Variants in CLRN1 observed in about 807,000 individuals in gnomAD.
CLRN1 encodes the protein clarin-1.
CLRN1 carries 15 observed loss-of-function variants against 18.7 expected under a neutral mutation model. That is an observed-to-expected ratio of 0.80 (90% CI 0.54 to 1.23). The LOEUF (loss-of-function observed/expected upper bound fraction) is 1.23, where lower values mean the gene tolerates loss of function less well. CLRN1 is among the 50% of genes most tolerant of loss of function. The pLI, the probability that CLRN1 is intolerant of heterozygous loss-of-function variation, is 0.00. For synonymous variants in CLRN1, 104 were observed against 102.9 expected (o/e 1.01, Z -0.07); for missense variants, 311 against 277.5 (o/e 1.12, Z -0.86).
intron 1 of CLRN1, among the ~76,000 whole-genome samples, chr3:150,962,460 AT>A (rs575064311): frequency 3.3e-5 from 5 of 152,082 alleles, no homozygotes; most frequent in African/African-American, 7.2e-5. Flanking sequence ...GTTTGTTTTT[AT>A]TTTTTTTCAA....
intron 1 of CLRN1, among the ~76,000 whole-genome samples, chr3:150,957,175 C>A (rs1208016150): frequency 6.6e-6 from 1 of 151,946 alleles, no homozygotes; most frequent in African/African-American, 2.4e-5. Flanking sequence ...CTGTCTTCAG[C>A]CTTTTCCTCT....
At chr3:150,950,847 G>A (rs556255010) in intron 1 of CLRN1, among the ~76,000 whole-genome samples, 1 of 152,266 alleles carries the variant, frequency 6.6e-6, no homozygotes, top group South Asian at 2.1e-4. Flanking sequence ...GCACACGAAT[G>A]TTCGTTGCAG....
chr3:150,958,372 C>T (rs1714856976), intron 1 of CLRN1, among the ~76,000 whole-genome samples: 1 of 152,164 alleles, frequency 6.6e-6, no homozygotes, highest in Non-Finnish European at 1.5e-5. Context: ...TGACTGGTCC[C>T]CACTTCTCTT....
chr3:150,951,718 G>A (rs907976072), intron 1 of CLRN1, among the ~76,000 whole-genome samples: 1 of 152,114 alleles, frequency 6.6e-6, no homozygotes, highest in African/African-American at 2.4e-5. Flanking sequence ...TTAGCTTCTA[G>A]GGAGACCTCT....
chr3:150,951,225 G>A (rs4680084), intron 1 of CLRN1, among the ~76,000 whole-genome samples: 76,681 of 151,744 alleles, frequency 0.51, 20,104 homozygotes, highest in East Asian at 0.6. Context: ...CTATGTAACA[G>A]ACTTTTACAG....
At chr3:150,964,817 G>T (rs910792300) in intron 1 of CLRN1, among the ~76,000 whole-genome samples, 1 of 151,968 alleles carries the variant, frequency 6.6e-6, no homozygotes, top group Admixed American at 6.5e-5. Flanking sequence ...ACCAAACACC[G>T]CATGTTCTCA....
At chr3:150,949,356 A>G (rs903088995) in intron 1 of CLRN1, among the ~76,000 whole-genome samples, 6 of 152,200 alleles carry the variant, frequency 3.9e-5, no homozygotes. Flanking sequence ...AGTCCTGGCC[A>G]GGGAAATCAG....
rs1389717756 is a variant in CLRN1, at chr3:150,927,375, T to C, written c.*561A>G. ...CCTGAACTCAAATGATCTTCCCACC[T>C]TGGCCTCCTGAAGTGCTGGAATTAC... is the stretch of plus-strand genomic sequence containing the variant. On this transcript the variant is annotated 3_prime_UTR_variant, in exon 3 of 3. Coordinates refer to ENST00000327047, the MANE Select transcript of CLRN1 (RefSeq NM_174878.3). 4 of 440,022 alleles carry C rather than the reference T, an allele frequency of 9.1e-6. No individual in the cohort carries two copies. The highest frequency in any genetic ancestry group is 7.2e-5 in the East Asian group (1 of 13,982). The allele number at this position is 440,022 out of a possible 1,614,324, so 27.3% of individuals were successfully genotyped here.
At chr3:150,942,684 A>G (rs1391064947) in intron 1 of CLRN1, 1 of 400,826 alleles carries the variant, frequency 2.5e-6, no homozygotes, top group African/African-American at 2.1e-5. Flanking sequence ...AAACAAATAA[A>G]CGTGATAGCT....
Position 150,927,243 on chromosome 3 carries a change from G to C in CLRN1, c.*693C>G, listed in dbSNP as rs1319233762. The C allele has an allele frequency of 1.0e-5, 5 of 476,980 alleles. No individual in the cohort carries two copies. The highest frequency in any genetic ancestry group is 2.1e-5 in the Non-Finnish European group (5 of 242,708). 29.5% of individuals were successfully genotyped at this position (476,980 alleles called of 1,614,324 possible). On this transcript the variant is annotated 3_prime_UTR_variant, in exon 3 of 3. Coordinates refer to ENST00000327047, the MANE Select transcript of CLRN1 (RefSeq NM_174878.3). ...TTTGCAGATTTTGACCAACAGACATGGTTAATAAGACTATGCTTTTTTAAA... is the reference window on the plus strand; with the variant it reads ...TTTGCAGATTTTGACCAACAGACATCGTTAATAAGACTATGCTTTTTTAAA...
chr3:150,945,079 C>T (rs1365741721), intron 1 of CLRN1, among the ~76,000 whole-genome samples: 1 of 152,160 alleles, frequency 6.6e-6, no homozygotes, highest in Non-Finnish European at 1.5e-5. Context: ...GCCAGTCCTG[C>T]ACTTGCATGG....
rs551710724 is a variant in CLRN1 at position 150,929,410 on chromosome 3, A to G, written c.434-1209T>C. Among the ~76,000 whole-genome samples, 7 of 152,320 alleles carry G rather than the reference A, an allele frequency of 4.6e-5. No homozygotes were observed. In the East Asian group the frequency reaches 1.2e-3, roughly 25 times the overall value. ...CTACAGCGCTTCCACAGCTACTGTTATATCTCAGGCCACCACAATAGGGTT... is the reference window on the plus strand; with the variant it reads ...CTACAGCGCTTCCACAGCTACTGTTGTATCTCAGGCCACCACAATAGGGTT... On this transcript the variant is annotated intron_variant, in intron 2 of 2. Coordinates refer to ENST00000327047, the MANE Select transcript of CLRN1 (RefSeq NM_174878.3).
At chr3:150,944,228 G>C (rs774292684) in intron 1 of CLRN1, 4 of 318,296 alleles carry the variant, frequency 1.3e-5, no homozygotes, top group Non-Finnish European at 1.9e-5. Flanking sequence ...GGTGAATGGT[G>C]GGGAGGCAGA....
chr3:150,942,406 C>G (rs1362698902), intron 1 of CLRN1: 1 of 193,602 alleles, frequency 5.2e-6, no homozygotes, highest in African/African-American at 2.4e-5. Context: ...AAGCGAAACC[C>G]TACATTTTAG....
rs568864469 is a variant in CLRN1, at chr3:150,944,641, C to T, written c.254-2880G>A. 6.1e-3 allele frequency among the ~76,000 whole-genome samples: 920 copies of T among 151,356 alleles called. 5 individuals carry two copies. The highest frequency in any genetic ancestry group is 0.028 in the Middle Eastern group (8 of 290). ...TTGGGAGGCCGAGGCGAGTGGATCACGAGGTCAGAAGACTGAGGCAGGAGA... is the reference window on the plus strand; with the variant it reads ...TTGGGAGGCCGAGGCGAGTGGATCATGAGGTCAGAAGACTGAGGCAGGAGA... On this transcript the variant is annotated intron_variant, in intron 1 of 2. Coordinates refer to ENST00000327047, the MANE Select transcript of CLRN1 (RefSeq NM_174878.3).
intron 1 of CLRN1, among the ~76,000 whole-genome samples, chr3:150,960,457 G>A (rs2107980172): frequency 6.6e-6 from 1 of 152,236 alleles, no homozygotes; most frequent in South Asian, 2.1e-4. Context: ...TGGAATTCAG[G>A]CAAACTTTCT....
At position 150,951,910 on chromosome 3, in the gene CLRN1, A is replaced by G. The variant is rs116341147; in HGVS notation, c.254-10149T>C. On this transcript the variant is annotated intron_variant, in intron 1 of 2. Coordinates refer to ENST00000327047, the MANE Select transcript of CLRN1 (RefSeq NM_174878.3). ...AACCATTCATAAGAACTCTGCCCCC[A>G]TGACCCAATCACCTCCCACCAGGCC... Among the ~76,000 whole-genome samples, 465 of 152,262 alleles carry G rather than the reference A, an allele frequency of 3.1e-3. 2 individuals are homozygous for G. The highest frequency in any genetic ancestry group is 0.01 in the African/African-American group (429 of 41,554).
intron 2 of CLRN1, among the ~76,000 whole-genome samples, chr3:150,936,221 T>C (rs961261796): frequency 1.3e-5 from 2 of 152,224 alleles, no homozygotes; most frequent in Non-Finnish European, 2.9e-5. Context: ...TAGGTCAGTT[T>C]TTATCTATGT....
intron 2 of CLRN1, among the ~76,000 whole-genome samples, chr3:150,940,053 C>T (rs4680068): frequency 0.87 from 132,261 of 152,222 alleles, 58,060 homozygotes; most frequent in East Asian, 1. Flanking sequence ...ACCAAGTTAA[C>T]ATCTCCTTTC....
Sources: allele counts gnomAD v4.1 joint callset (sites outside exome capture counted in the v4.1 genomes callset), GRCh38; gene constraint gnomAD v4.1.1; transcripts MANE v1.5; gene names NCBI Gene and HGNC (gene_info 2026-07-23, HGNC 2026-07-21).